Variants in NKX6-3 observed in about 807,000 individuals in gnomAD.
NKX6-3 encodes homeobox protein Nkx-6.3.
NKX6-3 carries 17 observed loss-of-function variants against 22.0 expected under a neutral mutation model. The ratio of observed to expected loss-of-function variants is 0.77; its 90% confidence interval spans 0.53 to 1.16. The LOEUF is 1.16. NKX6-3 is among the 50% of genes most tolerant of loss of function. The pLI, the probability that NKX6-3 is intolerant of heterozygous loss-of-function variation, is 0.00. For missense variants in NKX6-3, 363 were observed against 359.0 expected (o/e 1.01, Z -0.09); for synonymous variants, 177 against 167.2 (o/e 1.06, Z -0.45).
chr8:41,646,518 C>T lies in NKX6-3; in HGVS notation c.729G>A (p.Lys243=). The change falls in exon 3 of 3, where the codon AAG becomes AAA. Residue 243 remains lysine, a synonymous_variant. Coordinates refer to ENST00000518699, the MANE Select transcript of NKX6-3 (RefSeq NM_001364841.2). ...KPLDPDSDDE[K]IRLLLRKHRA... ...GGTGCTTGCGCAGCAGCAGGCGGAT[C>T]TTCTCGTCGTCCGAGTCGGGGTCCA... The T allele has an allele frequency of 6.2e-7, 1 of 1,612,314 alleles. No individual in the cohort carries two copies. The highest frequency in any genetic ancestry group is 8.5e-7 in the Non-Finnish European group (1 of 1,179,420).
At position 41,646,368 on chromosome 8, in the gene NKX6-3, G is replaced by C. The variant is rs547204971; in HGVS notation, c.*81C>G. On this transcript the variant is annotated 3_prime_UTR_variant, in exon 3 of 3. Coordinates refer to ENST00000518699, the MANE Select transcript of NKX6-3 (RefSeq NM_001364841.2). ...ACTCAGTCCCTGCGCCCCCAGGAGCGTGGGGAAGGGGAGGGGAAGGTAGGC... is the reference window on the plus strand; with the variant it reads ...ACTCAGTCCCTGCGCCCCCAGGAGCCTGGGGAAGGGGAGGGGAAGGTAGGC... The C allele has an allele frequency of 6.7e-7, 1 of 1,492,680 alleles. No homozygotes were observed. Among genetic ancestry groups the C allele is most frequent in the African/African-American group, 1.4e-5 (1 of 71,440 alleles). 92.5% of individuals were successfully genotyped at this position (1,492,680 alleles called of 1,614,324 possible).
chr8:41,646,487 C>T lies in NKX6-3; in HGVS notation c.760G>A (p.Ala254Thr), dbSNP rs778395713. 1.9e-6 allele frequency: 3 copies of T among 1,607,414 alleles called. No individual in the cohort carries two copies. The highest frequency in any genetic ancestry group is 1.3e-5 in the African/African-American group (1 of 74,968). ...IRLLLRKHRA[A>T]FSVLSLGAHS... ...GCTCCCAGGCTGAGCACCGAGAAGG[C>T]GGCGCGGTGCTTGCGCAGCAGCAGG... Residue 254 changes from alanine to threonine, a missense_variant, in exon 3 of 3, where the codon GCC becomes ACC. By Grantham distance (58) the Ala-to-Thr change is moderately conservative. This residue lies in a region of NKX6-3 where 169 missense variants were observed against 155.8 expected (regional missense o/e 1.08). Coordinates refer to ENST00000518699, the MANE Select transcript of NKX6-3 (RefSeq NM_001364841.2).
intron 1 of NKX6-3, among the ~76,000 whole-genome samples, chr8:41,649,268 G>A (rs535279196): frequency 1.3e-5 from 2 of 152,276 alleles, no homozygotes; most frequent in Non-Finnish European, 2.9e-5. Flanking sequence ...GGTTCCCTAG[G>A]TTGGCCCCAA....
chr8:41,650,087 T>C (rs1440432720), intron 1 of NKX6-3, 24 bp downstream of exon 1: 2 of 1,512,504 alleles, frequency 1.3e-6, no homozygotes, highest in Non-Finnish European at 1.8e-6. Flanking sequence ...TGCCGGGAGG[T>C]GGCTGGGGAG....
chr8:41,649,796 C>T (rs1383183810), intron 1 of NKX6-3, among the ~76,000 whole-genome samples: 2 of 152,168 alleles, frequency 1.3e-5, no homozygotes, highest in African/African-American at 4.8e-5. Flanking sequence ...GGGCTGCCTA[C>T]TGGACCTCGT....
Position 41,645,693 on chromosome 8 carries a change from G to C in NKX6-3, c.*756C>G, listed in dbSNP as rs1232475901. 2.0e-5 allele frequency: 3 copies of C among 152,320 alleles called. No homozygotes were observed. Among genetic ancestry groups the C allele is most frequent in the African/African-American group, 7.2e-5 (3 of 41,406 alleles). The allele number at this position is 152,320 out of a possible 1,614,324, so 9.4% of individuals were successfully genotyped here. On this transcript the variant is annotated 3_prime_UTR_variant, in exon 3 of 3. Coordinates refer to ENST00000518699, the MANE Select transcript of NKX6-3 (RefSeq NM_001364841.2). The stretch of plus-strand genomic sequence containing the variant: ...CCCTTTTCCCCGGCTGTCAGGATGA[G>C]GAGGGCACAGCGGTCTCAGAGGTAT...
At position 41,647,286 on chromosome 8, in the gene NKX6-3, G is replaced by T. The variant is rs577568259; in HGVS notation, c.553-592C>A. 4.6e-4 allele frequency: 740 copies of T among 1,604,504 alleles called. 12 individuals are homozygous for T. The South Asian group carries it at 7.9e-3, about 17-fold the overall frequency. Reference sequence around the variant, plus strand: ...GCGGCTGATGAGGAGGGCGCAGCGGGTTGGAGCTCGGGGAGGCCCCAGGGC... The same window carrying T: ...GCGGCTGATGAGGAGGGCGCAGCGGTTTGGAGCTCGGGGAGGCCCCAGGGC... On this transcript the variant is annotated intron_variant, in intron 2 of 2. Coordinates refer to ENST00000518699, the MANE Select transcript of NKX6-3 (RefSeq NM_001364841.2).
Position 41,646,167 on chromosome 8 carries a change from G to A in NKX6-3, c.*282C>T. The stretch of plus-strand genomic sequence containing the variant: ...AGAACTGGCAGGCGAGGCCCGAGGA[G>A]GTGCAAGGGGCAGCGGCTTCCAGGT... On this transcript the variant is annotated 3_prime_UTR_variant, in exon 3 of 3. Coordinates refer to ENST00000518699, the MANE Select transcript of NKX6-3 (RefSeq NM_001364841.2). 2 of 543,984 alleles carry A rather than the reference G, an allele frequency of 3.7e-6. No individual in the cohort carries two copies. Among genetic ancestry groups the A allele is most frequent in the South Asian group, 2.5e-5 (1 of 40,698 alleles). 33.7% of individuals were successfully genotyped at this position (543,984 alleles called of 1,614,324 possible). A position where few individuals can be genotyped will look rare whatever the true frequency, so the allele number is the denominator to read the frequency against.
chr8:41,650,209 C>T lies in NKX6-3; in HGVS notation c.284G>A (p.Gly95Glu), dbSNP rs866765338. 1 of 1,534,468 alleles carries T rather than the reference C, an allele frequency of 6.5e-7. No homozygotes were observed. Among genetic ancestry groups the T allele is most frequent in the South Asian group, 1.2e-5 (1 of 83,788 alleles). The stretch of plus-strand genomic sequence containing the variant: ...CTCGTTCCCAGCCTTGGAAAAATTC[C>T]CTACCTGGGGGCTGTAGTAGACCCC... Reference protein sequence around the residue: ...SQGVYYSPQVGNFSKAGNEYP... With the variant: ...SQGVYYSPQVENFSKAGNEYP... Residue 95 changes from glycine to glutamate, a missense_variant, in exon 1 of 3, where the codon GGG (glycine) becomes GAG (glutamate). This residue lies in a region of NKX6-3 where 175 missense variants were observed against 160.9 expected (regional missense o/e 1.09). Transcript: ENST00000518699.
chr8:41,647,890 C>T (rs755161478), intron 2 of NKX6-3, among the ~76,000 whole-genome samples, 176 bp downstream of exon 2: 3 of 152,164 alleles, frequency 2.0e-5, no homozygotes, highest in Non-Finnish European at 4.4e-5. Flanking sequence ...CTCAGCCTTT[C>T]CCGGCTATGG....
chr8:41,648,018 G>T (rs778285887), intron 2 of NKX6-3, 48 bp downstream of exon 2: 3 of 1,474,588 alleles, frequency 2.0e-6, no homozygotes, highest in Non-Finnish European at 2.7e-6. Context: ...CCTCCTGTCC[G>T]GCAGGCTCCT....
chr8:41,648,260 G>A (rs750793549), intron 1 of NKX6-3, 25 bp from the exon 2 acceptor site: 2 of 1,520,880 alleles, frequency 1.3e-6, no homozygotes, highest in South Asian at 1.2e-5. Flanking sequence ...GAAGTGTGGG[G>A]TTAGTAGAAT....
chr8:41,647,648 T>C (rs1026793087), intron 2 of NKX6-3, among the ~76,000 whole-genome samples: 5 of 152,174 alleles, frequency 3.3e-5, no homozygotes, highest in African/African-American at 1.2e-4. Context: ...AGCATGAATC[T>C]GGGCCAGAGA....
Position 41,650,325 on chromosome 8 carries a change from C to A in NKX6-3, c.168G>T (p.Thr56=). 6 of 1,534,874 alleles carry A rather than the reference C, an allele frequency of 3.9e-6. No homozygotes were observed. The South Asian group carries it at 4.8e-5, about 12-fold the overall frequency. The stretch of plus-strand genomic sequence containing the variant: ...CAGCCACGGGCCTGCTCAGGATGTC[C>A]GTGATCCCGTGGGGGGTTCCGGCGG... The part of the protein sequence containing the change: ...QLAAGTPHGI[T]DILSRPVAAP... Residue 56 remains threonine, a synonymous_variant, in exon 1 of 3, where the codon ACG becomes ACT. Transcript: ENST00000518699.
chr8:41,646,536 G>C lies in NKX6-3; in HGVS notation c.711C>G (p.Pro237=), dbSNP rs556969936. 4 of 1,612,130 alleles carry C rather than the reference G, an allele frequency of 2.5e-6. No homozygotes were observed. The Admixed American group carries it at 5.0e-5, about 20-fold the overall frequency. ...GGCGGATCTTCTCGTCGTCCGAGTC[G>C]GGGTCCAGCGGCTTGTTGTACTCGT... ...EDDEYNKPLD[P]DSDDEKIRLL... is the part of the protein sequence containing the mutation. Residue 237 remains proline, a synonymous_variant, in exon 3 of 3, where the codon CCC becomes CCG. Transcript: ENST00000518699.
chr8:41,647,436 T>C, intron 2 of NKX6-3: 5 of 1,396,048 alleles, frequency 3.6e-6, no homozygotes, highest in Non-Finnish European at 4.7e-6. Flanking sequence ...TAGAAACCGG[T>C]TTCCCCGGGT....
chr8:41,646,365 A>T lies in NKX6-3; in HGVS notation c.*84T>A. On this transcript the variant is annotated 3_prime_UTR_variant, in exon 3 of 3. Transcript: ENST00000518699. ...AAGACTCAGTCCCTGCGCCCCCAGG[A>T]GCGTGGGGAAGGGGAGGGGAAGGTA... 10 of 1,480,802 alleles carry T rather than the reference A, an allele frequency of 6.8e-6. No homozygotes were observed. Among genetic ancestry groups the T allele is most frequent in the Non-Finnish European group, 9.1e-6 (10 of 1,103,822 alleles). The allele number at this position is 1,480,802 out of a possible 1,614,324, so 91.7% of individuals were successfully genotyped here.
intron 1 of NKX6-3, 32 bp downstream of exon 1, chr8:41,650,079 C>G (rs1227091037): frequency 4.6e-6 from 7 of 1,509,862 alleles, no homozygotes; most frequent in Non-Finnish European, 6.2e-6. Context: ...CTGGCGGGTG[C>G]CGGGAGGTGG....
chr8:41,646,323 C>G lies in NKX6-3; in HGVS notation c.*126G>C, dbSNP rs1804198615. Reference sequence around the variant, plus strand: ...CTGCACCTGCTGCTCCTCCTCCACGCGCCCCTCATCCAAAGAAAGACTCAG... The same window carrying G: ...CTGCACCTGCTGCTCCTCCTCCACGGGCCCCTCATCCAAAGAAAGACTCAG... On this transcript the variant is annotated 3_prime_UTR_variant, in exon 3 of 3. Transcript: ENST00000518699. 1.6e-6 allele frequency: 2 copies of G among 1,235,316 alleles called. No homozygotes were observed. The highest frequency in any genetic ancestry group is 2.9e-5 in the Admixed American group (1 of 33,978). The allele number at this position is 1,235,316 out of a possible 1,614,324, so 76.5% of individuals were successfully genotyped here.
Sources: allele counts gnomAD v4.1 joint callset (sites outside exome capture counted in the v4.1 genomes callset), GRCh38; gene constraint gnomAD v4.1.1; regional missense constraint gnomAD v4.1.1; transcripts MANE v1.5; gene names NCBI Gene and HGNC (gene_info 2026-07-23, HGNC 2026-07-21).